TAF1A: variants seen among roughly 807,000 people sequenced by gnomAD.
The protein encoded by TAF1A is TATA box-binding protein-associated factor RNA polymerase I subunit A.
Under a neutral mutation model 61.6 loss-of-function variants are expected in TAF1A, and 42 were observed. The observed-to-expected ratio is 0.68, with a 90% confidence interval of 0.53 to 0.88. The LOEUF is 0.88. Among genes scored for constraint, TAF1A ranks in the 40% least tolerant of loss-of-function variants. The pLI is 0.00. For synonymous variants in TAF1A, 179 were observed against 177.7 expected, an observed-to-expected ratio of 1.01 and a Z score of -0.06; for missense variants, 424 against 518.7, an observed-to-expected ratio of 0.82 and a Z score of 1.77.
intron 7 of TAF1A, among the ~76,000 whole-genome samples, chr1:222,565,971 C>G (rs577383828): frequency 6.6e-6 from 1 of 152,214 alleles, no homozygotes; most frequent in South Asian, 2.1e-4. Context: ...ATTTTGATCA[C>G]GAAAGTATAA....
rs759223232 is a variant in TAF1A, at chr1:222,577,432, T to G, written c.604+13A>C. On this transcript the variant is annotated intron_variant, in intron 5 of 10. Transcript: ENST00000352967. Reference sequence around the variant, plus strand: ...GTCTCATCATAAGAAAAAGTTTACCTGTATTCACTTACCAAGCTTTGACAA... The same window carrying G: ...GTCTCATCATAAGAAAAAGTTTACCGGTATTCACTTACCAAGCTTTGACAA... The G allele has an allele frequency of 6.2e-7, 1 of 1,611,852 alleles. No individual in the cohort carries two copies. Among genetic ancestry groups the G allele is most frequent in the Non-Finnish European group, 8.5e-7 (1 of 1,178,292 alleles).
chr1:222,583,198 A>C (rs966080682), intron 3 of TAF1A, among the ~76,000 whole-genome samples: 1 of 152,208 alleles, frequency 6.6e-6, no homozygotes, highest in African/African-American at 2.4e-5. Flanking sequence ...AGAAAACAAA[A>C]AAAGAAAAAG....
intron 4 of TAF1A, among the ~76,000 whole-genome samples, chr1:222,579,139 A>T (rs1013929565): frequency 1.3e-5 from 2 of 152,192 alleles, no homozygotes; most frequent in Non-Finnish European, 2.9e-5. Context: ...ATTTCCACTC[A>T]CAGTATACCT....
chr1:222,574,944 T>C (rs747303308), intron 5 of TAF1A, among the ~76,000 whole-genome samples: 1 of 152,170 alleles, frequency 6.6e-6, no homozygotes, highest in Non-Finnish European at 1.5e-5. Flanking sequence ...GTATTTTGTG[T>C]TTCTTAATCT....
chr1:222,559,718 C>T (rs190468376), intron 10 of TAF1A, among the ~76,000 whole-genome samples: 3 of 151,984 alleles, frequency 2.0e-5, no homozygotes, highest in Non-Finnish European at 4.4e-5. Context: ...CACTATGGGA[C>T]ACAAAGTGGT....
intron 3 of TAF1A, among the ~76,000 whole-genome samples, chr1:222,583,852 A>AG (rs1442069979): frequency 1.3e-5 from 2 of 151,902 alleles, no homozygotes; most frequent in Non-Finnish European, 2.9e-5. Flanking sequence ...AAAAAAAAAA[A>AG]AGATAGAATA....
intron 6 of TAF1A, 41 bp from the exon 7 acceptor site, chr1:222,569,709 A>G (rs775215918): frequency 5.0e-5 from 77 of 1,555,072 alleles, no homozygotes; most frequent in Non-Finnish European, 6.5e-5. Flanking sequence ...GAATTCTGTA[A>G]GACAGCTATA....
intron 6 of TAF1A, among the ~76,000 whole-genome samples, chr1:222,570,290 C>A (rs575601935): frequency 6.6e-6 from 1 of 152,186 alleles, no homozygotes; most frequent in South Asian, 2.1e-4. Context: ...TTAAGCTCAA[C>A]AAGAATAAGA....
chr1:222,559,557 T>G (rs1034755990), intron 10 of TAF1A, among the ~76,000 whole-genome samples: 4 of 152,190 alleles, frequency 2.6e-5, no homozygotes, highest in African/African-American at 9.7e-5. Flanking sequence ...AAAATTAATT[T>G]CATTACAGTT....
At chr1:222,583,424 A>G (rs995542208) in intron 3 of TAF1A, among the ~76,000 whole-genome samples, 2 of 42,372 alleles carry the variant, frequency 4.7e-5, no homozygotes, top group Non-Finnish European at 9.5e-5. Context: ...TCTTGATAAA[A>G]CGAAAAAAAA....
rs1660615959 is a variant in TAF1A at position 222,577,450 on chromosome 1, T to C, written c.599A>G (p.Lys200Arg). The change falls in exon 5 of 11, where the codon AAG becomes AGG. Residue 200 changes from lysine to arginine, a missense_variant. By Grantham distance (26) the Lys-to-Arg change is conservative. Coordinates refer to ENST00000352967, the MANE Select transcript of TAF1A (RefSeq NM_005681.4). Reference protein sequence around the residue: ...TWSEKKMELSKLDKDDYAYNA... With the variant: ...TWSEKKMELSRLDKDDYAYNA... ...GTTTACCTGTATTCACTTACCAAGC[T>C]TTGACAATTCCATCTTCTTTTCAGA... 6.2e-7 allele frequency: 1 copy of C among 1,613,616 alleles called. No homozygotes were observed. Among genetic ancestry groups the C allele is most frequent in the Non-Finnish European group, 8.5e-7 (1 of 1,179,738 alleles).
chr1:222,562,194 T>C (rs928208429), intron 9 of TAF1A, among the ~76,000 whole-genome samples: 2 of 152,234 alleles, frequency 1.3e-5, no homozygotes, highest in Non-Finnish European at 2.9e-5. Context: ...CATATACATA[T>C]AGTTAACTTT....
intron 7 of TAF1A, among the ~76,000 whole-genome samples, chr1:222,565,767 T>A (rs1314447653): frequency 6.6e-6 from 1 of 152,088 alleles, no homozygotes. Flanking sequence ...GAGGCTGAGG[T>A]GGCAGGATCA....
chr1:222,559,562 A>G (rs759914937), intron 10 of TAF1A, among the ~76,000 whole-genome samples: 13 of 152,242 alleles, frequency 8.5e-5, no homozygotes, highest in Non-Finnish European at 1.9e-4. Context: ...TAATTTCATT[A>G]CAGTTTCAGC....
intron 3 of TAF1A, 53 bp from the exon 4 acceptor site, chr1:222,579,925 T>A (rs1571822854): frequency 6.4e-7 from 1 of 1,574,422 alleles, no homozygotes; most frequent in East Asian, 2.3e-5. Context: ...TTAACCAATT[T>A]CTGTCTAAGA....
At chr1:222,574,482 G>A (rs1171772481) in intron 5 of TAF1A, among the ~76,000 whole-genome samples, 1 of 152,078 alleles carries the variant, frequency 6.6e-6, no homozygotes, top group African/African-American at 2.4e-5. Context: ...CATATTCTAT[G>A]ACAATTCTAC....
At position 222,563,159 on chromosome 1, in the gene TAF1A, T is replaced by C; in HGVS notation, c.1085+14A>G. On this transcript the variant is annotated intron_variant, in intron 9 of 10. Coordinates refer to ENST00000352967, the MANE Select transcript of TAF1A (RefSeq NM_005681.4). ...TTTATGATGACCTAGTAATAAACAC[T>C]GTATGTTTCTTACCCCATTAAGATA... is the stretch of plus-strand genomic sequence containing the variant. The C allele has an allele frequency of 6.3e-7, 1 of 1,591,168 alleles. No individual in the cohort carries two copies. Among genetic ancestry groups the C allele is most frequent in the Non-Finnish European group, 8.6e-7 (1 of 1,164,244 alleles).
Position 222,584,255 on chromosome 1 carries a change from CTTG to C in TAF1A, c.161_163del (p.Thr54del). 8.1e-6 allele frequency: 13 copies of C among 1,610,712 alleles called. No homozygotes were observed. The highest frequency in any genetic ancestry group is 1.1e-5 in the Non-Finnish European group (13 of 1,179,254). Reference sequence around the variant, plus strand: ...TTCTTGGATAAAACTTAAACAAGCACTTGTTGTCTGAGCAAAATCCTTCCTCCT... The same window carrying C: ...TTCTTGGATAAAACTTAAACAAGCACTTGTCTGAGCAAAATCCTTCCTCCT... On this transcript the variant is annotated inframe_deletion, in exon 3 of 11. Transcript: ENST00000352967.
At chr1:222,567,702 T>C (rs543060452) in intron 7 of TAF1A, among the ~76,000 whole-genome samples, 18 of 152,350 alleles carry the variant, frequency 1.2e-4, no homozygotes, top group African/African-American at 4.3e-4. Context: ...AAGACCTTTT[T>C]GTAGCAACAG....
Sources: allele counts gnomAD v4.1 joint callset (sites outside exome capture counted in the v4.1 genomes callset), GRCh38; gene constraint gnomAD v4.1.1; transcripts MANE v1.5; gene names NCBI Gene and HGNC (gene_info 2026-07-23, HGNC 2026-07-21).